Variants in STK31 observed in about 807,000 individuals in gnomAD.
The protein encoded by STK31 is serine/threonine kinase 31.
In STK31, 89 loss-of-function variants were observed where a neutral mutation model predicts 129.7. That is an observed-to-expected ratio of 0.69 (90% CI 0.58 to 0.82). The LOEUF (loss-of-function observed/expected upper bound fraction) is 0.82, where lower values mean the gene tolerates loss of function less well. Ranked by LOEUF, STK31 falls within the 40% of genes least tolerant of loss-of-function variation. STK31 has a pLI of 0.00. For missense variants in STK31, 1,187 were observed against 1,176.4 expected (o/e 1.01, Z -0.13); for synonymous variants, 448 against 395.3 (o/e 1.13, Z -1.58).
chr7:23,793,328 C>A (rs545632939), intron 22 of STK31, among the ~76,000 whole-genome samples: 1 of 152,062 alleles, frequency 6.6e-6, no homozygotes, highest in South Asian at 2.1e-4. Flanking sequence ...ATTTGACTTT[C>A]GATTTGGCAA....
At chr7:23,827,899 C>T (rs1203429265) in intron 23 of STK31, among the ~76,000 whole-genome samples, 1 of 152,204 alleles carries the variant, frequency 6.6e-6, no homozygotes, top group Non-Finnish European at 1.5e-5. Flanking sequence ...GTGGTGGCTG[C>T]AGAACAGTGG....
chr7:23,830,732 G>A (rs2128134851), intron 23 of STK31, among the ~76,000 whole-genome samples: 1 of 151,984 alleles, frequency 6.6e-6, no homozygotes, highest in Middle Eastern at 3.4e-3. Context: ...CAATTCTCCT[G>A]CCTCAGCCTC....
intron 6 of STK31, among the ~76,000 whole-genome samples, chr7:23,735,021 A>G (rs1348874093): frequency 6.6e-6 from 1 of 152,088 alleles, no homozygotes; most frequent in Non-Finnish European, 1.5e-5. Flanking sequence ...ACATTTTATA[A>G]TTTCAGTTTG....
In STK31 at chr7:23,787,833, T is replaced by A. The variant is rs774914414; in HGVS notation, c.2488-147T>A. ...ACCATTACAAAATCAAGCCTTCATC[T>A]GGTCTTTCTCTATGCTGTATTCTTA... On this transcript the variant is annotated intron_variant, in intron 20 of 23. Coordinates refer to ENST00000355870, the MANE Select transcript of STK31 (RefSeq NM_031414.5). The A allele has an allele frequency of 5.5e-4, 360 of 649,756 alleles. 1 individual carries two copies. Among genetic ancestry groups the A allele is most frequent in the Admixed American group, 1.1e-3 (30 of 26,540 alleles). The allele number at this position is 649,756 out of a possible 1,614,324, so 40.2% of individuals were successfully genotyped here. A position where few individuals can be genotyped will look rare whatever the true frequency, so the allele number is the denominator to read the frequency against.
rs771661690 is a variant in STK31, at chr7:23,832,238, C to A, written c.2932C>A (p.Gln978Lys). The A allele has an allele frequency of 1.2e-6, 2 of 1,613,934 alleles. No individual in the cohort carries two copies. Among genetic ancestry groups the A allele is most frequent in the East Asian group, 2.2e-5 (1 of 44,860 alleles). ...TGAATGTTTCTTGATGCCAAAGGAGCAATCAGTTCCAAACCCAGAAAAAGA... is the reference window on the plus strand; with the variant it reads ...TGAATGTTTCTTGATGCCAAAGGAGAAATCAGTTCCAAACCCAGAAAAAGA... ...NAECFLMPKE[Q>K]SVPNPEKDTE... The change falls in exon 24 of 24, where the codon CAA becomes AAA. Residue 978 changes from glutamine to lysine, a missense_variant. Coordinates refer to ENST00000355870, the MANE Select transcript of STK31 (RefSeq NM_031414.5).
chr7:23,731,972 TTGAAAGCCTTA>T (rs1302069417), intron 6 of STK31, among the ~76,000 whole-genome samples: 3 of 152,210 alleles, frequency 2.0e-5, no homozygotes, highest in Non-Finnish European at 2.9e-5. Context: ...TTTTTAATGA[TTGAAAGCCTTA>T]TGTTCTAAAC....
chr7:23,770,243 T>C (rs1170004536), intron 13 of STK31, among the ~76,000 whole-genome samples: 1 of 152,142 alleles, frequency 6.6e-6, no homozygotes, highest in Non-Finnish European at 1.5e-5. Context: ...CAAAGGGTGT[T>C]TTGTAATTTT....
At chr7:23,768,753 G>A (rs1233193197) in intron 11 of STK31, among the ~76,000 whole-genome samples, 1 of 152,062 alleles carries the variant, frequency 6.6e-6, no homozygotes, top group Non-Finnish European at 1.5e-5. Context: ...AAAACCATAA[G>A]GATATAAAGC....
chr7:23,715,970 T>C (rs187987291), intron 3 of STK31, among the ~76,000 whole-genome samples: 9 of 152,184 alleles, frequency 5.9e-5, no homozygotes, highest in South Asian at 4.1e-4. Flanking sequence ...CTTCCTTTAA[T>C]GCTAATGTGT....
At chr7:23,750,280 G>A (rs1395591559) in intron 8 of STK31, among the ~76,000 whole-genome samples, 3 of 151,980 alleles carry the variant, frequency 2.0e-5, no homozygotes. Flanking sequence ...TTCCTATCTA[G>A]GCACTGCTTC....
chr7:23,772,362 C>T, intron 15 of STK31, 84 bp downstream of exon 15: 1 of 1,361,236 alleles, frequency 7.3e-7, no homozygotes, highest in African/African-American at 1.5e-5. Flanking sequence ...TGCATAAATA[C>T]ACTCTTTACA....
chr7:23,753,996 A>G (rs937275980), intron 9 of STK31, among the ~76,000 whole-genome samples: 1 of 152,176 alleles, frequency 6.6e-6, no homozygotes, highest in African/African-American at 2.4e-5. Flanking sequence ...TACCATTTCA[A>G]ATTCTGCAGA....
At chr7:23,823,729 A>G (rs1793932033) in intron 23 of STK31, among the ~76,000 whole-genome samples, 1 of 152,198 alleles carries the variant, frequency 6.6e-6, no homozygotes, top group African/African-American at 2.4e-5. Context: ...TTATAGTTTT[A>G]GGTCTAACAT....
At chr7:23,746,466 A>G (rs996683854) in intron 8 of STK31, among the ~76,000 whole-genome samples, 7 of 152,022 alleles carry the variant, frequency 4.6e-5, no homozygotes, top group African/African-American at 1.2e-4. Flanking sequence ...TAGATGATCT[A>G]TTTGAAGTGT....
chr7:23,787,135 G>A lies in STK31; in HGVS notation c.2487+211G>A, dbSNP rs575246269. Among the ~76,000 whole-genome samples the A allele has an allele frequency of 8.5e-5, 13 of 152,270 alleles. 1 individual carries two copies. In the South Asian group the frequency reaches 2.3e-3, roughly 27 times the overall value. The stretch of plus-strand genomic sequence containing the variant: ...AGATTAAGTGACTTGCACAGGGTCC[G>A]TTAGCCAGAGGTAGAGCTGGGACTC... On this transcript the variant is annotated intron_variant, in intron 20 of 23. Coordinates refer to ENST00000355870, the MANE Select transcript of STK31 (RefSeq NM_031414.5).
chr7:23,727,377 T>C, intron 5 of STK31, 62 bp downstream of exon 5: 1 of 1,461,172 alleles, frequency 6.8e-7, no homozygotes. Context: ...GTTCAAAAAT[T>C]TGATGCTTAT....
chr7:23,824,077 G>T (rs908879622), intron 23 of STK31, among the ~76,000 whole-genome samples: 44 of 152,250 alleles, frequency 2.9e-4, no homozygotes, highest in Non-Finnish European at 4.9e-4. Context: ...ACTTGGCAAT[G>T]CGGGCTCTTT....
intron 8 of STK31, among the ~76,000 whole-genome samples, chr7:23,741,492 C>T (rs1408276557): frequency 6.6e-6 from 1 of 152,060 alleles, no homozygotes; most frequent in South Asian, 2.1e-4. Flanking sequence ...CCTGAATCAC[C>T]CTCATCAAGA....
chr7:23,761,953 A>G lies in STK31; in HGVS notation c.1294-848A>G, dbSNP rs997153964. Among the ~76,000 whole-genome samples, 5 of 150,744 alleles carry G rather than the reference A, an allele frequency of 3.3e-5. No individual in the cohort carries two copies. In the Admixed American group the frequency reaches 3.4e-4, roughly 10 times the overall value. On this transcript the variant is annotated intron_variant, in intron 10 of 23. Coordinates refer to ENST00000355870, the MANE Select transcript of STK31 (RefSeq NM_031414.5). ...TTTTATAGTTTTATAGTTTTATAATACATTTTATAGTTTTATTTATAGTTT... is the reference window on the plus strand; with the variant it reads ...TTTTATAGTTTTATAGTTTTATAATGCATTTTATAGTTTTATTTATAGTTT...
Sources: gnomAD v4.1 joint callset for allele counts (sites outside exome capture counted in the v4.1 genomes callset) on GRCh38, gnomAD v4.1.1 for gene constraint, MANE v1.5 for transcripts, NCBI Gene and HGNC (gene_info 2026-07-23, HGNC 2026-07-21) for gene names.